The following LIFR variants were observed in gnomAD, a reference collection of about 807,000 sequenced individuals.
The protein encoded by LIFR is LIF receptor subunit alpha.
A neutral mutation model predicts 122.2 loss-of-function variants in LIFR; 84 were observed. The ratio of observed to expected loss-of-function variants is 0.69; its 90% CI spans 0.58 to 0.82. LIFR has a LOEUF of 0.82. Among genes scored for constraint, LIFR ranks in the 40% least tolerant of loss-of-function variants. The pLI is 0.00. For missense variants in LIFR, 1,294 were observed against 1,311.6 expected, an observed-to-expected ratio of 0.99 and a Z score of 0.21; for synonymous variants, 422 against 434.7, an observed-to-expected ratio of 0.97 and a Z score of 0.36.
At chr5:38,499,640 C>T in intron 11 of LIFR, 57 bp from the exon 12 acceptor site, 1 of 1,196,768 alleles carries the variant, frequency 8.4e-7, no homozygotes, top group East Asian at 2.3e-5. Context: ...GTATATGGTG[C>T]TTGGCATTTT....
rs775819955 is a variant in LIFR at position 38,481,907 on chromosome 5, G to A, written c.2982C>T (p.Asp994=). The change falls in exon 20 of 20, where the codon GAC becomes GAT. Residue 994 remains aspartate (D), a synonymous_variant. Coordinates refer to ENST00000453190, the MANE Select transcript of LIFR (RefSeq NM_001127671.2). ...QAKPEEEQEN[D]PVGGAGYKPQ... ...GCTTATAGCCTGCCCCTCCTACAGG[G>A]TCATTTTCTTGTTCTTCTTCTGGTT... The A allele has an allele frequency of 6.2e-7, 1 of 1,614,108 alleles. No individual in the cohort carries two copies.
chr5:38,548,094 G>T (rs952445025), intron 1 of LIFR, among the ~76,000 whole-genome samples: 1 of 151,730 alleles, frequency 6.6e-6, no homozygotes, highest in Admixed American at 6.6e-5. Flanking sequence ...AAGTGGGATA[G>T]CCATAAATTC....
chr5:38,599,113 T>G (rs888630535), upstream of LIFR, among the ~76,000 whole-genome samples: 1 of 152,128 alleles, frequency 6.6e-6, no homozygotes, highest in African/African-American at 2.4e-5. Flanking sequence ...CTGTTACCAG[T>G]AGAAAGAGCA....
intron 1 of LIFR, among the ~76,000 whole-genome samples, chr5:38,566,390 C>T (rs1005484186): frequency 3.2e-4 from 49 of 152,216 alleles, no homozygotes; most frequent in Non-Finnish European, 4.0e-4. Context: ...TTCTATTTGC[C>T]ATTCAAGGGA....
intron 3 of LIFR, among the ~76,000 whole-genome samples, chr5:38,527,641 C>A (rs547009437): frequency 6.6e-6 from 1 of 152,130 alleles, no homozygotes; most frequent in Non-Finnish European, 1.5e-5. Context: ...TGCATCACAG[C>A]GCTCCTCATG....
intron 1 of LIFR, among the ~76,000 whole-genome samples, chr5:38,563,343 T>C (rs1214694086): frequency 1.3e-5 from 2 of 152,174 alleles, no homozygotes; most frequent in African/African-American, 4.8e-5. Context: ...CTGGGTTTTT[T>C]CTTAACTCTA....
chr5:38,530,401 A>G, intron 2 of LIFR, 105 bp downstream of exon 2: 1 of 952,422 alleles, frequency 1.0e-6, no homozygotes, highest in Non-Finnish European at 1.7e-6. Flanking sequence ...ATGAATTTTA[A>G]CCAACAAAAT....
intron 1 of LIFR, among the ~76,000 whole-genome samples, chr5:38,540,705 T>C (rs1747545172): frequency 6.6e-6 from 1 of 152,158 alleles, no homozygotes; most frequent in East Asian, 1.9e-4. Flanking sequence ...ATCCAGGTTG[T>C]TGCTTTTTTA....
rs3079290 is a variant in LIFR at position 38,592,656 on chromosome 5, CAAAAAAAAAA to C, written c.-20+2595_-20+2604del. On this transcript the variant is annotated intron_variant, in intron 1 of 19. Transcript: ENST00000263409. ...TGGGCGACAGAGCGAGACTCCGTCT[CAAAAAAAAAA>C]AAAAAAAAAGTTACGTGAGACGGCA... is the stretch of plus-strand genomic sequence containing the variant. Among the ~76,000 whole-genome samples, 14 of 115,862 alleles carry C rather than the reference CAAAAAAAAAA, an allele frequency of 1.2e-4. No individual in the cohort carries two copies. In the South Asian group the frequency reaches 4.0e-3, roughly 33 times the overall value. 76.0% of individuals were successfully genotyped at this position (115,862 alleles called of 152,430 possible). A position where few individuals can be genotyped will look rare whatever the true frequency, so the allele number is the denominator to read the frequency against.
In LIFR at chr5:38,499,504, G is replaced by C. The variant is rs1204055348; in HGVS notation, c.1671+9C>G. On this transcript the variant is annotated intron_variant, in intron 12 of 19. Transcript: ENST00000453190. ...AATGTAAATGTTCACAGAAAAATTAGATATTTACCTTCCAATAGATTATTA... is the reference window on the plus strand; with the variant it reads ...AATGTAAATGTTCACAGAAAAATTACATATTTACCTTCCAATAGATTATTA... 2.6e-6 allele frequency: 4 copies of C among 1,539,622 alleles called. No homozygotes were observed. The highest frequency in any genetic ancestry group is 3.6e-6 in the Non-Finnish European group (4 of 1,112,286).
chr5:38,513,982 A>G (rs1395707815), intron 5 of LIFR, among the ~76,000 whole-genome samples: 1 of 152,180 alleles, frequency 6.6e-6, no homozygotes, highest in African/African-American at 2.4e-5. Flanking sequence ...ATCCTCAGAG[A>G]TAAGACATTG....
chr5:38,515,792 A>T (rs1746046407), intron 5 of LIFR, among the ~76,000 whole-genome samples: 1 of 152,160 alleles, frequency 6.6e-6, no homozygotes, highest in African/African-American at 2.4e-5. Context: ...TGTGTGGGGG[A>T]GCAGTGCCTG....
chr5:38,500,346 C>T (rs1008613062), intron 11 of LIFR, among the ~76,000 whole-genome samples: 1 of 152,170 alleles, frequency 6.6e-6, no homozygotes, highest in African/African-American at 2.4e-5. Flanking sequence ...TGCTTGGGAG[C>T]AAAAGTGTTT....
At chr5:38,527,076 CA>C (rs1405470106) in intron 4 of LIFR, 78 bp downstream of exon 4, 2 of 1,332,820 alleles carry the variant, frequency 1.5e-6, no homozygotes, top group East Asian at 5.0e-5. Context: ...ACATGAAATT[CA>C]AAAAACTAGA....
intron 1 of LIFR, among the ~76,000 whole-genome samples, chr5:38,542,593 A>T (rs1410429039): frequency 6.6e-6 from 1 of 152,092 alleles, no homozygotes; most frequent in African/African-American, 2.4e-5. Context: ...GCCTACAGGG[A>T]AAGGTCCCAA....
intron 5 of LIFR, among the ~76,000 whole-genome samples, chr5:38,522,968 C>T (rs763608186): frequency 1.6e-4 from 25 of 151,846 alleles, no homozygotes; most frequent in Admixed American, 5.9e-4. Flanking sequence ...AATGAAAAAA[C>T]GAGAGAGGGA....
intron 1 of LIFR, among the ~76,000 whole-genome samples, chr5:38,553,955 TA>T (rs1476817138): frequency 6.6e-6 from 1 of 152,010 alleles, no homozygotes; most frequent in Non-Finnish European, 1.5e-5. Context: ...TCATAAACTG[TA>T]AAATCTGTAA....
chr5:38,527,327 T>TA (rs1746744989), intron 3 of LIFR, 33 bp from the exon 4 acceptor site: 1 of 1,317,512 alleles, frequency 7.6e-7, no homozygotes, highest in Non-Finnish European at 1.1e-6. Flanking sequence ...AATTAGCAAA[T>TA]AAAATTAATA....
chr5:38,486,000 T>A lies in LIFR; in HGVS notation c.2336-20A>T, dbSNP rs376758192. The A allele has an allele frequency of 6.2e-7, 1 of 1,602,094 alleles. No homozygotes were observed. Among genetic ancestry groups the A allele is most frequent in the South Asian group, 1.1e-5 (1 of 90,858 alleles). ...AACGACCTATTTTTAAAATGAAGTA[T>A]GTTAGCACTAATCTCTAACCCGTTT... On this transcript the variant is annotated intron_variant, in intron 16 of 19. Coordinates refer to ENST00000453190, the MANE Select transcript of LIFR (RefSeq NM_001127671.2).
Sources: gnomAD v4.1 joint callset for allele counts (sites outside exome capture counted in the v4.1 genomes callset) on GRCh38, gnomAD v4.1.1 for gene constraint, MANE v1.5 for transcripts, NCBI Gene and HGNC (gene_info 2026-07-23, HGNC 2026-07-21) for gene names.